Variants in VRK2 observed in about 807,000 individuals in gnomAD.
VRK2 encodes VRK serine/threonine kinase 2, also known as serine/threonine-protein kinase VRK2.
A neutral mutation model predicts 57.6 loss-of-function variants in VRK2; 60 were observed. The ratio of observed to expected loss-of-function variants is 1.04; its 90% CI spans 0.85 to 1.29. The LOEUF is 1.29. Among genes scored for constraint, VRK2 ranks in the 50% most tolerant of loss-of-function variants. The pLI is 0.00. For missense variants in VRK2, 705 were observed against 588.1 expected (o/e 1.20, Z -2.06); for synonymous variants, 231 against 199.2 (o/e 1.16, Z -1.35).
At chr2:58,152,505 A>C (rs534327429) in intron 12 of VRK2, among the ~76,000 whole-genome samples, 2 of 152,078 alleles carry the variant, frequency 1.3e-5, no homozygotes, top group South Asian at 4.1e-4. Flanking sequence ...AGAAAGGAAA[A>C]GGAAAAAAAG....
chr2:57,969,885 T>C (rs1672038682), intron 1 of VRK2, among the ~76,000 whole-genome samples: 1 of 152,048 alleles, frequency 6.6e-6, no homozygotes, highest in Non-Finnish European at 1.5e-5. Flanking sequence ...TTTCTGTCCA[T>C]ATGCCGAGGT....
chr2:58,075,501 C>A (rs1400417363), intron 2 of VRK2, among the ~76,000 whole-genome samples: 1 of 152,134 alleles, frequency 6.6e-6, no homozygotes, highest in Non-Finnish European at 1.5e-5. Context: ...GCATTCCCAC[C>A]AGCAGTGTAT....
intron 2 of VRK2, among the ~76,000 whole-genome samples, chr2:58,069,291 G>A (rs1029892636): frequency 3.9e-5 from 6 of 152,170 alleles, no homozygotes; most frequent in African/African-American, 1.4e-4. Flanking sequence ...TCCATTCAGT[G>A]ACCAGCCTGG....
chr2:58,144,444 ATTG>A (rs1204398447), intron 11 of VRK2, among the ~76,000 whole-genome samples: 4 of 152,036 alleles, frequency 2.6e-5, no homozygotes, highest in African/African-American at 9.7e-5. Context: ...TAATAACTTG[ATTG>A]TTGTATTCAT....
At chr2:58,065,624 C>T (rs1668499332) in intron 2 of VRK2, among the ~76,000 whole-genome samples, 1 of 151,950 alleles carries the variant, frequency 6.6e-6, no homozygotes, top group East Asian at 1.9e-4. Flanking sequence ...ATTTATATTT[C>T]CAGAACAACG....
chr2:58,141,810 C>G (rs1416694975), intron 11 of VRK2, among the ~76,000 whole-genome samples: 1 of 151,872 alleles, frequency 6.6e-6, no homozygotes, highest in East Asian at 1.9e-4. Context: ...CCGTCCTGTT[C>G]CCAGTTCCCC....
chr2:57,952,539 G>A (rs1026552779), intron 1 of VRK2, among the ~76,000 whole-genome samples: 5 of 152,128 alleles, frequency 3.3e-5, no homozygotes, highest in African/African-American at 1.2e-4. Context: ...AATACTCTGT[G>A]CCAGGAATTT....
chr2:58,071,314 A>G (rs1248278603), intron 2 of VRK2, among the ~76,000 whole-genome samples: 1 of 152,084 alleles, frequency 6.6e-6, no homozygotes, highest in African/African-American at 2.4e-5. Context: ...ATGAAGTCCA[A>G]TTTAACAGTT....
intron 1 of VRK2, among the ~76,000 whole-genome samples, chr2:57,978,510 A>G (rs571971839): frequency 6.6e-6 from 1 of 151,248 alleles, no homozygotes; most frequent in East Asian, 1.9e-4. Context: ...TAAGGCAAGC[A>G]GAACAATCTT....
chr2:58,095,824 T>A (rs967109489), intron 7 of VRK2, among the ~76,000 whole-genome samples: 1 of 152,156 alleles, frequency 6.6e-6, no homozygotes, highest in South Asian at 2.1e-4. Flanking sequence ...CTTTTACTCT[T>A]CTTAATCTTA....
At chr2:57,922,486 GTGA>G (rs1458281884) in intron 1 of VRK2, among the ~76,000 whole-genome samples, 6 of 149,750 alleles carry the variant, frequency 4.0e-5, no homozygotes, top group African/African-American at 1.5e-4. Flanking sequence ...GTGTGTGTGT[GTGA>G]TGAGAATATT....
At chr2:58,114,372 A>C (rs1198828931) in intron 7 of VRK2, among the ~76,000 whole-genome samples, 1 of 152,066 alleles carries the variant, frequency 6.6e-6, no homozygotes, top group Non-Finnish European at 1.5e-5. Context: ...GGCATGTATG[A>C]GTAGTTGAGA....
chr2:58,032,964 A>G lies in VRK2; in HGVS notation c.-332-263A>G, dbSNP rs570509592. Reference sequence around the variant, plus strand: ...GGGTGTTCTGTCTCACAAGACTCAGATAAGTTGGTAGCCAGTGCACACTGA... The same window carrying G: ...GGGTGTTCTGTCTCACAAGACTCAGGTAAGTTGGTAGCCAGTGCACACTGA... On this transcript the variant is annotated intron_variant, in intron 2 of 15. Transcript: ENST00000417641. 1.1e-4 allele frequency among the ~76,000 whole-genome samples: 17 copies of G among 152,232 alleles called. No homozygotes were observed. In the East Asian group the frequency reaches 3.3e-3, roughly 29 times the overall value.
chr2:58,097,801 T>C (rs1194445082), intron 7 of VRK2, among the ~76,000 whole-genome samples: 1 of 152,146 alleles, frequency 6.6e-6, no homozygotes, highest in African/African-American at 2.4e-5. Context: ...GTACACTATA[T>C]AGTACTTGAT....
At chr2:57,946,006 G>C (rs534937100) in intron 1 of VRK2, among the ~76,000 whole-genome samples, 19 of 152,032 alleles carry the variant, frequency 1.2e-4, no homozygotes, top group Non-Finnish European at 2.1e-4. Context: ...AGATGAAAAG[G>C]ATTTGGTATT....
In VRK2 at chr2:58,113,808, A is replaced by G. The variant is rs567441845; in HGVS notation, c.544-9293A>G. Among the ~76,000 whole-genome samples the G allele has an allele frequency of 3.3e-5, 5 of 152,298 alleles. No homozygotes were observed. In the South Asian group the frequency reaches 1.0e-3, roughly 32 times the overall value. ...AGTTACTTAGGCCATCTGGGCGTATACCTGCAACTCACAGGGGATGCGACG... is the reference window on the plus strand; with the variant it reads ...AGTTACTTAGGCCATCTGGGCGTATGCCTGCAACTCACAGGGGATGCGACG... On this transcript the variant is annotated intron_variant, in intron 7 of 12. Transcript: ENST00000340157.
At chr2:57,999,048 T>TA (rs1673009202) in intron 1 of VRK2, among the ~76,000 whole-genome samples, 1 of 152,092 alleles carries the variant, frequency 6.6e-6, no homozygotes, top group African/African-American at 2.4e-5. Flanking sequence ...GGACAGTTGT[T>TA]ACATTATAAG....
intron 2 of VRK2, among the ~76,000 whole-genome samples, chr2:58,076,357 A>T (rs1310934342): frequency 6.6e-6 from 1 of 151,982 alleles, no homozygotes; most frequent in Non-Finnish European, 1.5e-5. Context: ...CAATTGGGCA[A>T]AATCATCTAA....
chr2:58,046,604 T>A (rs886387685), upstream of VRK2: 4 of 985,460 alleles, frequency 4.1e-6, no homozygotes, highest in African/African-American at 5.2e-5. Context: ...ATTCCCCATG[T>A]AGCCGCGCCC....
Sources: gnomAD v4.1 joint callset for allele counts (sites outside exome capture counted in the v4.1 genomes callset) on GRCh38, gnomAD v4.1.1 for gene constraint, MANE v1.5 for transcripts, NCBI Gene and HGNC (gene_info 2026-07-23, HGNC 2026-07-21) for gene names.